The following ZC3H11A variants were observed in gnomAD, a reference collection of about 807,000 sequenced individuals.
ZC3H11A encodes zinc finger CCCH domain-containing protein 11A.
ZC3H11A carries 22 observed loss-of-function variants against 90.8 expected under a neutral mutation model. The observed-to-expected ratio is 0.24, with a 90% CI of 0.17 to 0.35. ZC3H11A has a LOEUF of 0.35. ZC3H11A is among the 10% of genes least tolerant of loss of function. The probability of loss-of-function intolerance (pLI) is 1.00; values close to 1 mark genes in which losing one functional copy is unlikely to be tolerated. For synonymous variants in ZC3H11A, 294 were observed against 339.8 expected (o/e 0.87, Z 1.48); for missense variants, 701 against 964.9 (o/e 0.73, Z 3.62).
At chr1:203,799,325 C>T (rs2102388239) in intron 1 of ZC3H11A, 1 of 708,550 alleles carries the variant, frequency 1.4e-6, no homozygotes, top group South Asian at 1.5e-5. Context: ...AGCACAAAAG[C>T]ATTGAGAATA....
intron 8 of ZC3H11A, 88 bp downstream of exon 8, chr1:203,830,291 A>T (rs1315220915): frequency 9.8e-7 from 1 of 1,016,788 alleles, no homozygotes; most frequent in African/African-American, 1.6e-5. Context: ...CAAAATGAGC[A>T]AATAGATTTT....
intron 13 of ZC3H11A, among the ~76,000 whole-genome samples, 197 bp downstream of exon 13, chr1:203,847,884 C>G (rs142038998): frequency 6.6e-6 from 1 of 152,096 alleles, no homozygotes; most frequent in African/African-American, 2.4e-5. Flanking sequence ...GAGACAGAGT[C>G]TCACTCTGTC....
rs757689746 is a variant in ZC3H11A, at chr1:203,829,851, T to C, written c.574T>C (p.Leu192=). The change falls in exon 7 of 18, where the codon TTA becomes CTA. Residue 192 remains leucine, a synonymous_variant. Transcript: ENST00000367210. The part of the protein sequence containing the change: ...LQPTPEVHNG[L]RVTSVRKPAV... ...ACCAACTCCTGAAGTTCACAATGGA[T>C]TACGAGTGACTTCTGTCCGGAAACC... is the stretch of plus-strand genomic sequence containing the variant. The C allele has an allele frequency of 6.2e-7, 1 of 1,614,016 alleles. No homozygotes were observed.
intron 1 of ZC3H11A, chr1:203,798,658 C>G (rs1669487422): frequency 6.5e-7 from 1 of 1,536,128 alleles, no homozygotes; most frequent in Admixed American, 2.0e-5. Flanking sequence ...GAAAACAGAT[C>G]TGAAAGTCCT....
At chr1:203,799,448 G>A (rs1001557029) in intron 1 of ZC3H11A, 2 of 703,052 alleles carry the variant, frequency 2.8e-6, no homozygotes, top group Admixed American at 4.0e-5. Flanking sequence ...ATTTGAAGCA[G>A]GACGAAACTG....
At chr1:203,819,220 CTTTT>C (rs200161052) in intron 4 of ZC3H11A, among the ~76,000 whole-genome samples, 2 of 133,790 alleles carry the variant, frequency 1.5e-5, no homozygotes, top group Non-Finnish European at 3.3e-5. Context: ...TTTTTTCTTT[CTTTT>C]TATTTTTTTT....
intron 12 of ZC3H11A, 92 bp downstream of exon 12, chr1:203,840,466 C>A: frequency 7.6e-7 from 1 of 1,310,994 alleles, no homozygotes; most frequent in Non-Finnish European, 1.1e-6. Flanking sequence ...CTTGCTAGGG[C>A]TTTTGATTTT....
chr1:203,809,971 C>CA (rs1175128365), intron 2 of ZC3H11A, among the ~76,000 whole-genome samples: 3 of 151,048 alleles, frequency 2.0e-5, no homozygotes, highest in Admixed American at 6.6e-5. Flanking sequence ...CAAAACTAAA[C>CA]AAAAAAAAGT....
chr1:203,829,698 C>T (rs1475991980), intron 6 of ZC3H11A, 44 bp downstream of exon 6: 1 of 1,612,156 alleles, frequency 6.2e-7, no homozygotes, highest in African/African-American at 1.3e-5. Context: ...TAAATAGGGT[C>T]TCATAGTGAA....
At chr1:203,841,080 G>C (rs1685979890) in intron 12 of ZC3H11A, among the ~76,000 whole-genome samples, 1 of 151,434 alleles carries the variant, frequency 6.6e-6, no homozygotes, top group Admixed American at 6.6e-5. Context: ...TGTATCAAGT[G>C]AAGAAAGATA....
At chr1:203,837,454 C>CTTTTTTTTT (rs148758453) in intron 10 of ZC3H11A, among the ~76,000 whole-genome samples, 3 of 143,942 alleles carry the variant, frequency 2.1e-5, no homozygotes, top group African/African-American at 2.5e-5. Context: ...CCTTGTCTCT[C>CTTTTTTTTT]TTTTTTTTTT....
Position 203,838,038 on chromosome 1 carries a change from C to T in ZC3H11A, c.947C>T (p.Thr316Ile), listed in dbSNP as rs1684922302. The T allele has an allele frequency of 1.9e-6, 3 of 1,614,186 alleles. No individual in the cohort carries two copies. The highest frequency in any genetic ancestry group is 2.5e-6 in the Non-Finnish European group (3 of 1,180,020). The change falls in exon 11 of 18, where the codon ACT becomes ATT. Residue 316 changes from threonine to isoleucine, a missense_variant. Physicochemically the swap from Thr to Ile is moderately conservative, Grantham distance 89. Coordinates refer to ENST00000367210, the MANE Select transcript of ZC3H11A (RefSeq NM_001376342.1). ...GGGAAGAAAGTTGAAGCTCCAGAAA[C>T]TAACATTGACAAAACACCAAAGAAA... ...RLGKKVEAPE[T>I]NIDKTPKKAQ...
In ZC3H11A at chr1:203,852,233, G is replaced by T; in HGVS notation, c.2267G>T (p.Arg756Leu). Residue 756 changes from arginine (R) to leucine (L), a missense_variant, in exon 18 of 18, where the codon CGA (arginine) becomes CTA (leucine). Arg to Leu is a moderately radical substitution (Grantham distance 102). This residue lies in a region of ZC3H11A where 91 missense variants were observed against 86.8 expected (regional missense o/e 1.05). Transcript: ENST00000367210. ...TCCCAAATGAGCATGAAAACTCGCCGACTCAGCTCTGCCTCAACAGGAAAG... is the reference window on the plus strand; with the variant it reads ...TCCCAAATGAGCATGAAAACTCGCCTACTCAGCTCTGCCTCAACAGGAAAG... ...SSSQMSMKTR[R>L]LSSASTGKPP... 2 of 1,613,434 alleles carry T rather than the reference G, an allele frequency of 1.2e-6. No individual in the cohort carries two copies. The highest frequency in any genetic ancestry group is 4.5e-5 in the East Asian group (2 of 44,842).
chr1:203,822,403 C>T (rs1679076559), intron 4 of ZC3H11A, among the ~76,000 whole-genome samples: 1 of 151,940 alleles, frequency 6.6e-6, no homozygotes, highest in African/African-American at 2.4e-5. Context: ...TCTCACCCTG[C>T]TTGGACCCCA....
At chr1:203,810,412 G>C (rs1346653910) in intron 2 of ZC3H11A, among the ~76,000 whole-genome samples, 2 of 148,280 alleles carry the variant, frequency 1.3e-5, no homozygotes, top group Admixed American at 1.3e-4. Flanking sequence ...GTTTTACATT[G>C]TAGCTGTTAG....
chr1:203,834,737 C>T (rs1683683763), intron 10 of ZC3H11A, among the ~76,000 whole-genome samples: 1 of 152,242 alleles, frequency 6.6e-6, no homozygotes, highest in South Asian at 2.1e-4. Flanking sequence ...GCAACCTCCA[C>T]CTCCTGGGTT....
At chr1:203,851,531 C>T (rs1396559127) in intron 17 of ZC3H11A, among the ~76,000 whole-genome samples, 2 of 152,034 alleles carry the variant, frequency 1.3e-5, no homozygotes, top group African/African-American at 4.8e-5. Flanking sequence ...GGTTTTGCCA[C>T]ATTGTCCAGG....
intron 12 of ZC3H11A, among the ~76,000 whole-genome samples, chr1:203,843,268 A>G (rs555921341): frequency 1.3e-5 from 2 of 152,320 alleles, no homozygotes; most frequent in Middle Eastern, 6.8e-3. Context: ...CTGATTCAGT[A>G]AATACATAAA....
intron 2 of ZC3H11A, among the ~76,000 whole-genome samples, chr1:203,805,128 T>C (rs1170334352): frequency 1.4e-5 from 2 of 147,852 alleles, no homozygotes; most frequent in Admixed American, 1.4e-4. Flanking sequence ...AATACCCACT[T>C]CTGATACAGT....
Sources: gnomAD v4.1 joint callset for allele counts (sites outside exome capture counted in the v4.1 genomes callset) on GRCh38, gnomAD v4.1.1 for gene constraint, gnomAD v4.1.1 regional missense constraint, MANE v1.5 for transcripts, NCBI Gene and HGNC (gene_info 2026-07-23, HGNC 2026-07-21) for gene names.